Variants in HSF2 observed in about 807,000 individuals in gnomAD.
The protein encoded by HSF2 is heat shock transcription factor 2.
In HSF2, 21 loss-of-function variants were observed where a neutral mutation model predicts 65.0. The observed-to-expected ratio is 0.32, with a 90% CI of 0.23 to 0.47. The LOEUF (loss-of-function observed/expected upper bound fraction) is 0.47. HSF2 is among the 20% of genes least tolerant of loss of function. HSF2 has a pLI of 1.00. For synonymous variants in HSF2, 225 were observed against 219.1 expected, an observed-to-expected ratio of 1.03 and a Z score of -0.24; for missense variants, 499 against 628.1, an observed-to-expected ratio of 0.79 and a Z score of 2.20.
intron 11 of HSF2, 57 bp downstream of exon 11, chr6:122,428,013 C>T (rs987930960): frequency 2.6e-6 from 3 of 1,138,736 alleles, no homozygotes; most frequent in African/African-American, 3.2e-5. Context: ...ACAAAAACGT[C>T]CTAATAAGTA....
chr6:122,406,775 AG>A (rs34444982), intron 1 of HSF2, among the ~76,000 whole-genome samples: 21,522 of 152,196 alleles, frequency 0.14, 1,617 homozygotes, highest in East Asian at 0.26. Context: ...GATCTCTAGT[AG>A]TATTTGAAAC....
Position 122,426,565 on chromosome 6 carries a change from C to G in HSF2, c.1177-1338C>G, listed in dbSNP as rs3799541. ...GAGATTGATTATTATGAGTCACTAT[C>G]TACTCTCAAGGATCTGAGCTTTCTT... is the stretch of plus-strand genomic sequence containing the variant. On this transcript the variant is annotated intron_variant, in intron 10 of 12. Coordinates refer to ENST00000368455, the MANE Select transcript of HSF2 (RefSeq NM_004506.4). 3.5e-4 allele frequency among the ~76,000 whole-genome samples: 53 copies of G among 152,142 alleles called. 2 individuals are homozygous for G. In the East Asian group the frequency reaches 0.01, roughly 29 times the overall value.
At chr6:122,416,379 G>T in intron 5 of HSF2, 83 bp downstream of exon 5, 1 of 781,970 alleles carries the variant, frequency 1.3e-6, no homozygotes, top group Non-Finnish European at 2.2e-6. Context: ...TTTATTGAGT[G>T]TCTGTGATTG....
intron 11 of HSF2, 113 bp from the exon 12 acceptor site, chr6:122,431,317 A>G (rs1774460548): frequency 2.4e-6 from 1 of 410,268 alleles, no homozygotes; most frequent in Non-Finnish European, 4.3e-6. Context: ...ATGTTTCCCC[A>G]TCTCATATAT....
At chr6:122,416,967 A>G (rs1018045509) in intron 5 of HSF2, among the ~76,000 whole-genome samples, 2 of 152,122 alleles carry the variant, frequency 1.3e-5, no homozygotes, top group Non-Finnish European at 2.9e-5. Context: ...TCATGAGTAA[A>G]CTAGACTCTG....
At chr6:122,409,077 A>G (rs1366675011) in intron 1 of HSF2, among the ~76,000 whole-genome samples, 1 of 152,082 alleles carries the variant, frequency 6.6e-6, no homozygotes, top group Admixed American at 6.6e-5. Context: ...AAATAAAGTC[A>G]ATAATAAGAT....
intron 10 of HSF2, among the ~76,000 whole-genome samples, chr6:122,426,632 TAAA>T (rs1391363755): frequency 6.6e-6 from 1 of 151,978 alleles, no homozygotes. Flanking sequence ...GAGAAGGAAA[TAAA>T]AAGGCAAAGC....
chr6:122,423,322 A>G (rs1490224320), intron 9 of HSF2, among the ~76,000 whole-genome samples: 3 of 152,180 alleles, frequency 2.0e-5, no homozygotes, highest in Non-Finnish European at 4.4e-5. Flanking sequence ...TTTATATAGT[A>G]TAGAGGAAAA....
chr6:122,422,043 C>A lies in HSF2; in HGVS notation c.682-107C>A, dbSNP rs554058198. Reference sequence around the variant, plus strand: ...GCAGAGAACACACCTGTTTTGCATACCCCGAGATTCAGTAAATAGTAGTTG... The same window carrying A: ...GCAGAGAACACACCTGTTTTGCATAACCCGAGATTCAGTAAATAGTAGTTG... On this transcript the variant is annotated intron_variant, in intron 7 of 12. Coordinates refer to ENST00000368455, the MANE Select transcript of HSF2 (RefSeq NM_004506.4). 4 of 737,454 alleles carry A rather than the reference C, an allele frequency of 5.4e-6. No homozygotes were observed. In the East Asian group the frequency reaches 1.0e-4, roughly 19 times the overall value. The allele number at this position is 737,454 out of a possible 1,614,324, so 45.7% of individuals were successfully genotyped here.
At chr6:122,423,473 A>G (rs1774279510) in intron 9 of HSF2, 108 bp from the exon 10 acceptor site, 7 of 531,636 alleles carry the variant, frequency 1.3e-5, no homozygotes, top group Non-Finnish European at 2.3e-5. Flanking sequence ...ACCGGTAAGG[A>G]TGCAGCAGCT....
At chr6:122,427,725 T>C (rs1300175334) in intron 10 of HSF2, among the ~76,000 whole-genome samples, 178 bp from the exon 11 acceptor site, 2 of 152,092 alleles carry the variant, frequency 1.3e-5, no homozygotes, top group African/African-American at 4.8e-5. Context: ...TGGGCTAGCT[T>C]GTTCTGCTTT....
At position 122,402,943 on chromosome 6, in the gene HSF2, A is replaced by G. The variant is rs1283433613; in HGVS notation, c.93+3113A>G. Reference sequence around the variant, plus strand: ...TCTGTTGAGGTAATTTAGCATTTATACTATGAAAATCATTGAGAACTTTTA... The same window carrying G: ...TCTGTTGAGGTAATTTAGCATTTATGCTATGAAAATCATTGAGAACTTTTA... On this transcript the variant is annotated intron_variant, in intron 1 of 12. Transcript: ENST00000368455. 4.0e-5 allele frequency among the ~76,000 whole-genome samples: 6 copies of G among 151,886 alleles called. No homozygotes were observed. In the South Asian group the frequency reaches 6.2e-4, roughly 16 times the overall value.
chr6:122,399,736 C>T lies in HSF2; in HGVS notation c.-2C>T. On this transcript the variant is annotated 5_prime_UTR_variant, in exon 1 of 13. Coordinates refer to ENST00000368455, the MANE Select transcript of HSF2 (RefSeq NM_004506.4). ...ATTTGGAATCCCTGCGCCGCGTTAACAATGAAGCAGAGTTCGAACGTGCCG... is the reference window on the plus strand; with the variant it reads ...ATTTGGAATCCCTGCGCCGCGTTAATAATGAAGCAGAGTTCGAACGTGCCG... The T allele has an allele frequency of 6.2e-7, 1 of 1,610,070 alleles. No homozygotes were observed. The highest frequency in any genetic ancestry group is 2.2e-5 in the East Asian group (1 of 44,450).
rs1774480792 is a variant in HSF2 at position 122,431,987 on chromosome 6, T to G, written c.1378T>G (p.Ser460Ala). The G allele has an allele frequency of 5.6e-6, 9 of 1,613,980 alleles. No individual in the cohort carries two copies. Among genetic ancestry groups the G allele is most frequent in the Non-Finnish European group, 7.6e-6 (9 of 1,179,952 alleles). ...LLAFLDGNPA[S>A]SVEQASTTAS... ...TGCATTCCTCGATGGGAACCCTGCT[T>G]CTTCTGTTGAACAGGCGAGTACAAC... The change falls in exon 13 of 13, where the codon TCT becomes GCT. Residue 460 changes from serine (S) to alanine (A), a missense_variant. Coordinates refer to ENST00000368455, the MANE Select transcript of HSF2 (RefSeq NM_004506.4).
intron 1 of HSF2, among the ~76,000 whole-genome samples, chr6:122,400,808 T>C (rs140349638): frequency 6.6e-6 from 1 of 152,354 alleles, no homozygotes; most frequent in East Asian, 1.9e-4. Context: ...TTAACTCTTA[T>C]TGTAGATGAT....
intron 4 of HSF2, among the ~76,000 whole-genome samples, chr6:122,414,101 C>T (rs899426218): frequency 6.6e-5 from 10 of 152,028 alleles, no homozygotes; most frequent in African/African-American, 1.9e-4. Context: ...ACAAAAAAAT[C>T]GGAAAACGAT....
chr6:122,409,991 C>CT (rs2114428552), intron 1 of HSF2, among the ~76,000 whole-genome samples: 1 of 152,096 alleles, frequency 6.6e-6, no homozygotes, highest in Admixed American at 6.5e-5. Flanking sequence ...GCTGGTTCAT[C>CT]TGTCCTCTCT....
At chr6:122,426,862 T>C (rs1236725256) in intron 10 of HSF2, among the ~76,000 whole-genome samples, 2 of 152,062 alleles carry the variant, frequency 1.3e-5, no homozygotes, top group African/African-American at 2.4e-5. Context: ...ATGTGGCCTC[T>C]ACTTTTCGAA....
rs1439346067 is a variant in HSF2 at position 122,399,836 on chromosome 6, G to T, written c.93+6G>T. On this transcript the variant is annotated splice_donor_region_variant and intron_variant, in intron 1 of 12. Coordinates refer to ENST00000368455, the MANE Select transcript of HSF2 (RefSeq NM_004506.4). ...AGTTCATCACCTGGAGCCAGGTACG[G>T]TCAGGCCACGGCGGCCTCTGAACCC... The T allele has an allele frequency of 6.2e-7, 1 of 1,608,092 alleles. No individual in the cohort carries two copies. Among genetic ancestry groups the T allele is most frequent in the Non-Finnish European group, 8.5e-7 (1 of 1,176,152 alleles).
Sources: gnomAD v4.1 joint callset for allele counts (sites outside exome capture counted in the v4.1 genomes callset) on GRCh38, gnomAD v4.1.1 for gene constraint, MANE v1.5 for transcripts, NCBI Gene and HGNC (gene_info 2026-07-23, HGNC 2026-07-21) for gene names.